The following SLC25A27 variants were observed in gnomAD, a reference collection of about 807,000 sequenced individuals.
SLC25A27 encodes the protein solute carrier family 25 member 27.
A neutral mutation model predicts 49.1 loss-of-function variants in SLC25A27; 35 were observed. That is an observed-to-expected ratio of 0.71 (90% CI 0.54 to 0.95). The LOEUF (loss-of-function observed/expected upper bound fraction) is 0.95. Ranked by LOEUF, SLC25A27 falls within the 40% of genes least tolerant of loss-of-function variation. The pLI, the probability that SLC25A27 is intolerant of heterozygous loss-of-function variation, is 0.00. For missense variants in SLC25A27, 339 were observed against 397.1 expected (o/e 0.85, Z 1.24); for synonymous variants, 144 against 136.9 (o/e 1.05, Z -0.36).
chr6:46,678,019 G>A lies in SLC25A27; in HGVS notation c.*1565G>A, dbSNP rs1404023487. The A allele has an allele frequency of 8.3e-5, 7 of 84,336 alleles. No individual in the cohort carries two copies. The highest frequency in any genetic ancestry group is 6.1e-4 in the Admixed American group (5 of 8,138). 5.2% of individuals were successfully genotyped at this position (84,336 alleles called of 1,614,324 possible). On this transcript the variant is annotated 3_prime_UTR_variant, in exon 9 of 9. Coordinates refer to ENST00000371347, the MANE Select transcript of SLC25A27 (RefSeq NM_004277.5). ...ATTGAATTTGTCAATATGTAATTGCGTTGTAAAATATTATATATATATATA... is the reference window on the plus strand; with the variant it reads ...ATTGAATTTGTCAATATGTAATTGCATTGTAAAATATTATATATATATATA...
At chr6:46,658,023 A>G (rs146682928) in intron 2 of SLC25A27, among the ~76,000 whole-genome samples, 49 of 152,352 alleles carry the variant, frequency 3.2e-4, no homozygotes, top group African/African-American at 1.2e-3. Context: ...AGTTGGCTTC[A>G]AAGGAGGTAG....
intron 6 of SLC25A27, 128 bp from the exon 7 acceptor site, chr6:46,670,007 G>T: frequency 1.8e-6 from 1 of 547,764 alleles, no homozygotes; most frequent in East Asian, 3.3e-5. Context: ...TTAATTTTAA[G>T]CAAAAAGAGC....
intron 2 of SLC25A27, among the ~76,000 whole-genome samples, chr6:46,657,537 A>G (rs9381468): frequency 0.48 from 72,241 of 152,012 alleles, 17,288 homozygotes; most frequent in East Asian, 0.56. Flanking sequence ...GTTAGCAGTT[A>G]ATAAATCTCA....
At position 46,675,217 on chromosome 6, in the gene SLC25A27, T is replaced by C. The variant is rs539265801; in HGVS notation, c.901-1166T>C. ...TTGCTCAGTCCCTGGTTAGTACTTA[T>C]TTCATTTGCCTATGGATTTTGTTGC... On this transcript the variant is annotated intron_variant, in intron 8 of 8. Coordinates refer to ENST00000371347, the MANE Select transcript of SLC25A27 (RefSeq NM_004277.5). 2.1e-4 allele frequency among the ~76,000 whole-genome samples: 32 copies of C among 152,296 alleles called. 2 individuals carry two copies. In the South Asian group the frequency reaches 6.4e-3, roughly 31 times the overall value.
chr6:46,674,253 A>C (rs1246858466), intron 8 of SLC25A27, among the ~76,000 whole-genome samples: 2 of 152,220 alleles, frequency 1.3e-5, no homozygotes, highest in Non-Finnish European at 2.9e-5. Context: ...TTAAAACTGT[A>C]TAAGAACCTA....
In SLC25A27 at chr6:46,676,854, C is replaced by G; in HGVS notation, c.*400C>G. The G allele has an allele frequency of 1.6e-6, 1 of 622,134 alleles. No individual in the cohort carries two copies. Among genetic ancestry groups the G allele is most frequent in the Non-Finnish European group, 2.9e-6 (1 of 348,498 alleles). The allele number at this position is 622,134 out of a possible 1,614,324, so 38.5% of individuals were successfully genotyped here. On this transcript the variant is annotated 3_prime_UTR_variant, in exon 9 of 9. Transcript: ENST00000371347. The stretch of plus-strand genomic sequence containing the variant: ...TAGACGATAGGAATGTGGAAGAACA[C>G]ATACATAGTGCTTAAGAAATACATT...
intron 1 of SLC25A27, among the ~76,000 whole-genome samples, chr6:46,655,609 T>C (rs922788872): frequency 4.0e-4 from 57 of 142,942 alleles, no homozygotes; most frequent in African/African-American, 1.4e-3. Context: ...TAGTGATTCT[T>C]AAATTTGGGA....
intron 2 of SLC25A27, among the ~76,000 whole-genome samples, chr6:46,656,634 G>A (rs1271464830): frequency 6.6e-6 from 1 of 152,040 alleles, no homozygotes. Flanking sequence ...GATCAGGTTG[G>A]TCCCAAACTC....
rs1762959849 is a variant in SLC25A27, at chr6:46,655,843, C to T, written c.107C>T (p.Ala36Val). The T allele has an allele frequency of 6.2e-7, 1 of 1,609,276 alleles. No individual in the cohort carries two copies. Among genetic ancestry groups the T allele is most frequent in the Non-Finnish European group, 8.5e-7 (1 of 1,178,672 alleles). ...TTCCCTGCATTTGTGTTTTTGTTAG[C>T]AACCTTTCCCCTGGATCTCACAAAA... ...SGCAATVAEL[A>V]TFPLDLTKTR... Residue 36 changes from alanine to valine, a missense_variant and splice_region_variant, in exon 2 of 9, where the codon GCA becomes GTA. Transcript: ENST00000371347.
rs192202201 is a variant in SLC25A27 at position 46,668,124 on chromosome 6, C to G, written c.620-585C>G. Reference sequence around the variant, plus strand: ...CTTTGGGAGGTTGAGGTGAGCAGATCTCTTGAGCTCCGGAGTTGGAGACCA... The same window carrying G: ...CTTTGGGAGGTTGAGGTGAGCAGATGTCTTGAGCTCCGGAGTTGGAGACCA... On this transcript the variant is annotated intron_variant, in intron 5 of 8. Transcript: ENST00000371347. Among the ~76,000 whole-genome samples, 251 of 152,278 alleles carry G rather than the reference C, an allele frequency of 1.6e-3. 1 individual carries two copies. The highest frequency in any genetic ancestry group is 5.8e-3 in the African/African-American group (239 of 41,560).
At chr6:46,656,186 A>AT in intron 2 of SLC25A27, 152 bp downstream of exon 2, 1 of 568,342 alleles carries the variant, frequency 1.8e-6, no homozygotes, top group African/African-American at 2.0e-5. Context: ...ATTATTATTT[A>AT]GGTTTTTTTT....
At chr6:46,669,785 T>C (rs1055302160) in intron 6 of SLC25A27, among the ~76,000 whole-genome samples, 1 of 152,202 alleles carries the variant, frequency 6.6e-6, no homozygotes, top group Non-Finnish European at 1.5e-5. Context: ...CCTGTCACAC[T>C]TCCCCATGTT....
intron 2 of SLC25A27, among the ~76,000 whole-genome samples, chr6:46,657,427 C>A (rs1432325341): frequency 2.6e-5 from 4 of 152,252 alleles, no homozygotes; most frequent in Non-Finnish European, 5.9e-5. Context: ...CATGCCATTG[C>A]ACTCCAACCT....
chr6:46,676,905 A>G lies in SLC25A27; in HGVS notation c.*451A>G, dbSNP rs541770400. The G allele has an allele frequency of 3.9e-6, 2 of 517,854 alleles. No homozygotes were observed. The highest frequency in any genetic ancestry group is 3.4e-6 in the Non-Finnish European group (1 of 293,108). The allele number at this position is 517,854 out of a possible 1,614,324, so 32.1% of individuals were successfully genotyped here. On this transcript the variant is annotated 3_prime_UTR_variant, in exon 9 of 9. Coordinates refer to ENST00000371347, the MANE Select transcript of SLC25A27 (RefSeq NM_004277.5). ...TAACCTGTTATGTCAGTATTTATCAATGAAGTTTGATAATTCACTTTTCTG... is the reference window on the plus strand; with the variant it reads ...TAACCTGTTATGTCAGTATTTATCAGTGAAGTTTGATAATTCACTTTTCTG...
chr6:46,664,405 C>T (rs908201057), intron 4 of SLC25A27, among the ~76,000 whole-genome samples: 1 of 152,082 alleles, frequency 6.6e-6, no homozygotes, highest in African/African-American at 2.4e-5. Context: ...AGGTCCCTTC[C>T]ATCACCAGTA....
chr6:46,674,418 A>G (rs1312516356), intron 8 of SLC25A27, among the ~76,000 whole-genome samples: 4 of 152,144 alleles, frequency 2.6e-5, no homozygotes, highest in Admixed American at 6.5e-5. Context: ...TACTGATACA[A>G]TATACTGATT....
intron 3 of SLC25A27, among the ~76,000 whole-genome samples, chr6:46,661,061 A>G (rs182035018): frequency 7.2e-5 from 11 of 152,234 alleles, no homozygotes; most frequent in South Asian, 4.1e-4. Context: ...AATGAAAAAG[A>G]AACAGTCCTG....
intron 1 of SLC25A27, among the ~76,000 whole-genome samples, chr6:46,654,852 T>C (rs1435288716): frequency 6.6e-6 from 1 of 152,220 alleles, no homozygotes; most frequent in African/African-American, 2.4e-5. Flanking sequence ...CTTCCCCACA[T>C]TGTTTTCTCT....
intron 1 of SLC25A27, 40 bp downstream of exon 1, chr6:46,653,338 C>A: frequency 1.3e-6 from 2 of 1,580,690 alleles, no homozygotes; most frequent in Non-Finnish European, 8.6e-7. Flanking sequence ...GGGCCAGTGG[C>A]ACGCGCCGCG....
Sources: gnomAD v4.1 joint callset for allele counts (sites outside exome capture counted in the v4.1 genomes callset) on GRCh38, gnomAD v4.1.1 for gene constraint, MANE v1.5 for transcripts, NCBI Gene and HGNC (gene_info 2026-07-23, HGNC 2026-07-21) for gene names.